The following DAB2 variants were observed in gnomAD, a reference collection of about 807,000 sequenced individuals.
DAB2 encodes DAB adaptor protein 2.
In DAB2, 28 loss-of-function variants were observed where a neutral mutation model predicts 71.6. The observed-to-expected ratio is 0.39, with a 90% CI of 0.29 to 0.54. The LOEUF is 0.54. DAB2 is among the 20% of genes least tolerant of loss of function. DAB2 has a pLI of 0.68. For missense variants in DAB2, 867 were observed against 928.8 expected (o/e 0.93, Z 0.86); for synonymous variants, 345 against 339.7 (o/e 1.02, Z -0.17).
intron 14 of DAB2, among the ~76,000 whole-genome samples, chr5:39,374,153 G>A (rs188882840): frequency 3.9e-5 from 6 of 152,180 alleles, no homozygotes; most frequent in Admixed American, 3.9e-4. Context: ...CCAAATCACA[G>A]TTTAGTAGTC....
At chr5:39,408,787 G>A (rs1755659422) in intron 1 of DAB2, 1 of 152,128 alleles carries the variant, frequency 6.6e-6, no homozygotes, top group African/African-American at 2.4e-5. Flanking sequence ...CTCTCCTCTT[G>A]ATACCAGTGT....
Position 39,391,042 on chromosome 5 carries a change from G to A in DAB2, c.331-467C>T, listed in dbSNP as rs544457878. Among the ~76,000 whole-genome samples, 8 of 152,266 alleles carry A rather than the reference G, an allele frequency of 5.3e-5. No individual in the cohort carries two copies. In the South Asian group the frequency reaches 6.2e-4, roughly 12 times the overall value. On this transcript the variant is annotated intron_variant, in intron 4 of 14. Transcript: ENST00000320816. The stretch of plus-strand genomic sequence containing the variant: ...AACCATCCTATGTGTTATTGGAACC[G>A]TATTCCCAGTATATTCTGGAGGATA...
chr5:39,376,193 G>T (rs1158457893), intron 12 of DAB2, 87 bp from the exon 13 acceptor site: 2 of 1,028,406 alleles, frequency 1.9e-6, no homozygotes, highest in Non-Finnish European at 2.9e-6. Flanking sequence ...TTGAAGTTTA[G>T]TTCTATACTT....
intron 1 of DAB2, among the ~76,000 whole-genome samples, chr5:39,414,395 GTAATTTTATAAA>G (rs1755800532): frequency 6.6e-6 from 1 of 152,092 alleles, no homozygotes; most frequent in African/African-American, 2.4e-5. Context: ...AATTTTATTA[GTAATTTTATAAA>G]CAATTTGGTG....
In DAB2 at chr5:39,377,200, C is replaced by T. The variant is rs374863362; in HGVS notation, c.1587G>A (p.Pro529=). The T allele has an allele frequency of 9.3e-5, 150 of 1,613,888 alleles. No individual in the cohort carries two copies. In the Admixed American group the frequency reaches 1.2e-3, roughly 13 times the overall value. ...AAGGTTGACCACCCATCATGGCTCC[C>T]GGAGCCATTGAAGGGGACTGATTGA... ...LVFNQSPSMA[P]GAMMGGQPSG... is the part of the protein sequence containing the mutation. The change falls in exon 12 of 15, where the codon CCG becomes CCA. Residue 529 remains proline (P), a synonymous_variant. Transcript: ENST00000320816.
intron 4 of DAB2, among the ~76,000 whole-genome samples, chr5:39,390,788 G>A (rs187810345): frequency 4.9e-4 from 74 of 152,262 alleles, no homozygotes; most frequent in Non-Finnish European, 5.9e-5. Context: ...TGGGAAGAAT[G>A]TTCCTTCTTA....
At chr5:39,409,547 G>A (rs1755675040) in intron 1 of DAB2, among the ~76,000 whole-genome samples, 1 of 152,092 alleles carries the variant, frequency 6.6e-6, no homozygotes, top group South Asian at 2.1e-4. Context: ...GACAGGTTTT[G>A]TTTCATGAAT....
At chr5:39,379,127 T>C (rs915795797) in intron 11 of DAB2, among the ~76,000 whole-genome samples, 3 of 152,126 alleles carry the variant, frequency 2.0e-5, no homozygotes, top group African/African-American at 7.2e-5. Flanking sequence ...TTTAGGAAAA[T>C]ATCATATTAG....
At position 39,422,891 on chromosome 5, in the gene DAB2, A is replaced by T. The variant is rs1756022464; in HGVS notation, c.-102+1913T>A. On this transcript the variant is annotated intron_variant, in intron 1 of 14. Coordinates refer to ENST00000320816, the MANE Select transcript of DAB2 (RefSeq NM_001343.4). This position sits in a 1 kb window ranked among gnomAD's most constrained non-coding sequence, Gnocchi z 4.1. ...TTAATCTGAAACTATAAAAGTCTTTAGCAGAAACACAAACTCTGGAGTTTG... is the reference window on the plus strand; with the variant it reads ...TTAATCTGAAACTATAAAAGTCTTTTGCAGAAACACAAACTCTGGAGTTTG... 6.6e-6 allele frequency among the ~76,000 whole-genome samples: 1 copy of T among 152,248 alleles called. No individual in the cohort carries two copies.
chr5:39,407,865 G>A (rs954115687), intron 1 of DAB2, among the ~76,000 whole-genome samples: 2 of 152,186 alleles, frequency 1.3e-5, no homozygotes, highest in African/African-American at 2.4e-5. Context: ...GAAGGGCTAC[G>A]TACACTAGTA....
At chr5:39,382,564 C>T in intron 10 of DAB2, 54 bp downstream of exon 10, 1 of 1,522,102 alleles carries the variant, frequency 6.6e-7, no homozygotes, top group Non-Finnish European at 9.0e-7. Context: ...ATCACACCAC[C>T]CTTTGGTACC....
At chr5:39,406,737 A>G (rs956428621) in intron 1 of DAB2, among the ~76,000 whole-genome samples, 15 of 152,212 alleles carry the variant, frequency 9.9e-5, no homozygotes, top group Non-Finnish European at 1.6e-4. Flanking sequence ...GTATCATTAG[A>G]TGGTAAAGTA....
Position 39,374,302 on chromosome 5 carries a change from C to T in DAB2, c.*5+712G>A, listed in dbSNP as rs369586075. Among the ~76,000 whole-genome samples the T allele has an allele frequency of 7.0e-5, 10 of 141,954 alleles. No homozygotes were observed. The East Asian group carries it at 9.6e-4, about 14-fold the overall frequency. 93.1% of individuals were successfully genotyped at this position (141,954 alleles called of 152,430 possible). On this transcript the variant is annotated intron_variant, in intron 14 of 14. Transcript: ENST00000320816. ...AATGGGGAGAGCGTTCCTTTCCCTA[C>T]TAAATTCAGTCTTTTGAGATCAGAA...
At chr5:39,415,027 T>G (rs1339547619) in intron 1 of DAB2, among the ~76,000 whole-genome samples, 1 of 152,080 alleles carries the variant, frequency 6.6e-6, no homozygotes, top group East Asian at 1.9e-4. Context: ...AGGAATTGTT[T>G]CTGATTAGGG....
intron 4 of DAB2, among the ~76,000 whole-genome samples, chr5:39,390,949 A>G (rs1755213175): frequency 6.6e-6 from 1 of 152,216 alleles, no homozygotes; most frequent in Admixed American, 6.5e-5. Flanking sequence ...CAAACTTAAA[A>G]GAACAGCATA....
chr5:39,420,746 T>C (rs1402071824), intron 1 of DAB2, among the ~76,000 whole-genome samples: 2 of 152,304 alleles, frequency 1.3e-5, no homozygotes, highest in South Asian at 2.1e-4. Context: ...GGGGGTGATA[T>C]AAGTAGAGAG....
intron 4 of DAB2, among the ~76,000 whole-genome samples, chr5:39,391,223 C>T (rs1458035929): frequency 2.0e-5 from 3 of 152,224 alleles, no homozygotes; most frequent in Middle Eastern, 3.4e-3. Flanking sequence ...AGTGTCTTTT[C>T]TTCTATTTTT....
chr5:39,372,989 C>T lies in DAB2; in HGVS notation c.*442G>A, dbSNP rs992185947. The T allele has an allele frequency of 6.6e-6, 1 of 151,982 alleles. No homozygotes were observed. Among genetic ancestry groups the T allele is most frequent in the Non-Finnish European group, 1.5e-5 (1 of 68,000 alleles). The allele number at this position is 151,982 out of a possible 1,614,324, so 9.4% of individuals were successfully genotyped here. ...AAGAAGGTGCCTTGTTCTACTATAA[C>T]CTTTAGGTTTTATGCTCTGAAACAG... On this transcript the variant is annotated 3_prime_UTR_variant, in exon 15 of 15. Coordinates refer to ENST00000320816, the MANE Select transcript of DAB2 (RefSeq NM_001343.4).
chr5:39,404,345 G>C (rs1233018561), intron 1 of DAB2, among the ~76,000 whole-genome samples: 1 of 148,654 alleles, frequency 6.7e-6, no homozygotes, highest in Non-Finnish European at 1.5e-5. Context: ...GTATACATAC[G>C]TAACTAACCT....
Sources: allele counts gnomAD v4.1 joint callset (sites outside exome capture counted in the v4.1 genomes callset), GRCh38; gene constraint gnomAD v4.1.1; non-coding constraint Gnocchi (gnomAD v3.1); transcripts MANE v1.5; gene names NCBI Gene and HGNC (gene_info 2026-07-23, HGNC 2026-07-21).